The following LDB3 variants were observed in gnomAD, a reference collection of about 807,000 sequenced individuals.
The protein encoded by LDB3 is LIM domain binding 3, also known as LIM domain-binding protein 3.
In LDB3, 49 loss-of-function variants were observed where a neutral mutation model predicts 69.0. The ratio of observed to expected loss-of-function variants is 0.71; its 90% CI spans 0.56 to 0.90. The LOEUF (loss-of-function observed/expected upper bound fraction) is 0.90. LDB3 is among the 40% of genes least tolerant of loss of function. The probability of loss-of-function intolerance (pLI) is 0.00; values close to 1 mark genes in which losing one functional copy is unlikely to be tolerated. For missense variants in LDB3, 928 were observed against 974.1 expected (o/e 0.95, Z 0.63); for synonymous variants, 387 against 396.2 (o/e 0.98, Z 0.28).
At chr10:86,707,744 G>T (rs1174285479) in intron 8 of LDB3, among the ~76,000 whole-genome samples, 1 of 152,174 alleles carries the variant, frequency 6.6e-6, no homozygotes, top group South Asian at 2.1e-4. Context: ...TTGCAGGCCT[G>T]TCTGCTGCCC....
chr10:86,684,938 G>A (rs1845379335), intron 5 of LDB3, among the ~76,000 whole-genome samples: 1 of 152,216 alleles, frequency 6.6e-6, no homozygotes. Flanking sequence ...AGGTCAGAGT[G>A]AGAGGAAGGG....
intron 2 of LDB3, among the ~76,000 whole-genome samples, chr10:86,675,033 G>A (rs980668335): frequency 1.3e-5 from 2 of 152,210 alleles, no homozygotes; most frequent in African/African-American, 4.8e-5. Context: ...ACTCAGGGCA[G>A]CCAAAGGCCA....
In LDB3 at chr10:86,729,104, C is replaced by A. The variant is rs1589688130; in HGVS notation, c.2094+2852C>A. ...TAACCAGTGAGATCTCAGGATAGCA[C>A]ATTCTTTAGACTAACTCAGTTTACC... is the stretch of plus-strand genomic sequence containing the variant. On this transcript the variant is annotated intron_variant, in intron 13 of 13. Coordinates refer to ENST00000361373, the MANE Select transcript of LDB3 (RefSeq NM_007078.3). 2.6e-5 allele frequency among the ~76,000 whole-genome samples: 4 copies of A among 152,290 alleles called. No homozygotes were observed. The South Asian group carries it at 8.3e-4, about 32-fold the overall frequency.
upstream of LDB3, chr10:86,668,491 G>A (rs769128165): frequency 1.3e-4 from 89 of 660,568 alleles, 2 homozygotes; most frequent in South Asian, 4.2e-4. Flanking sequence ...TATCAGTGTC[G>A]ATGGCATTCG....
rs938329394 is a variant in LDB3 at position 86,687,134 on chromosome 10, C to T, written c.690-4762C>T. On this transcript the variant is annotated intron_variant, in intron 5 of 13. Coordinates refer to ENST00000361373, the MANE Select transcript of LDB3 (RefSeq NM_007078.3). ...GACTCGGCCCTGTCCACCCACAAGC[C>T]CATCGAGGTGAAGGGGCTGGGCGGC... 1.2e-6 allele frequency: 2 copies of T among 1,614,088 alleles called. No homozygotes were observed. The highest frequency in any genetic ancestry group is 2.7e-5 in the African/African-American group (2 of 74,934).
intron 12 of LDB3, among the ~76,000 whole-genome samples, chr10:86,725,793 A>G (rs1847232247): frequency 6.6e-6 from 1 of 152,208 alleles, no homozygotes; most frequent in South Asian, 2.1e-4. Context: ...AGATGTTTGG[A>G]AATGTGGATT....
chr10:86,723,268 TA>T (rs56259917), intron 12 of LDB3, among the ~76,000 whole-genome samples: 1,188 of 49,094 alleles, frequency 0.024, 11 homozygotes, highest in African/African-American at 0.05. Flanking sequence ...AGACTCAATC[TA>T]AAAAAAAAAA....
chr10:86,680,851 G>A (rs765704254), intron 4 of LDB3, among the ~76,000 whole-genome samples: 1 of 152,246 alleles, frequency 6.6e-6, no homozygotes, highest in African/African-American at 2.4e-5. Context: ...GATTGGGCAG[G>A]GCAGTGGGGA....
At position 86,679,510 on chromosome 10, in the gene LDB3, C is replaced by A; in HGVS notation, c.237C>A (p.Thr79=). The change falls in exon 3 of 14, where the codon ACC becomes ACA. Residue 79 remains threonine, a synonymous_variant. Transcript: ENST00000361373. ...IKSASYNLSL[T]LQKSKRPIPI... The stretch of plus-strand genomic sequence containing the variant: ...CTGCCAGCTACAACTTGAGCCTCAC[C>A]CTGCAGAAGTAGGTGGGAGCTCTCC... 6.2e-7 allele frequency: 1 copy of A among 1,613,926 alleles called. No individual in the cohort carries two copies. The highest frequency in any genetic ancestry group is 1.1e-5 in the South Asian group (1 of 91,078).
At chr10:86,679,058 A>G (rs1487464381) in intron 2 of LDB3, among the ~76,000 whole-genome samples, 2 of 152,198 alleles carry the variant, frequency 1.3e-5, no homozygotes, top group African/African-American at 4.8e-5. Flanking sequence ...GTCAACAAGC[A>G]GAGAGTGTGC....
chr10:86,671,879 G>A (rs903337952), intron 2 of LDB3, among the ~76,000 whole-genome samples: 2 of 152,166 alleles, frequency 1.3e-5, no homozygotes, highest in African/African-American at 4.8e-5. Flanking sequence ...TTGGGAGGCC[G>A]AGGGGGCAGA....
intron 8 of LDB3, among the ~76,000 whole-genome samples, chr10:86,709,309 T>G (rs1255773153): frequency 1.3e-5 from 2 of 152,136 alleles, no homozygotes; most frequent in East Asian, 3.9e-4. Context: ...AAGGTGACCC[T>G]AGGCCCCTTG....
At chr10:86,718,578 G>A in intron 11 of LDB3, 149 bp from the exon 12 acceptor site, 1 of 1,033,596 alleles carries the variant, frequency 9.7e-7, no homozygotes, top group Non-Finnish European at 1.5e-6. Flanking sequence ...GACACCCCTG[G>A]GTCTTTCTTC....
rs1310203563 is a variant in LDB3 at position 86,706,571 on chromosome 10, A to G, written c.937A>G (p.Thr313Ala). ...EHAPVCTSQA[T>A]TPLLPASAQP... Reference sequence around the variant, plus strand: ...TGCGCCGGTGTGCACCAGCCAGGCCACCACCCCGCTGCTGCCCGCTTCTGC... The same window carrying G: ...TGCGCCGGTGTGCACCAGCCAGGCCGCCACCCCGCTGCTGCCCGCTTCTGC... The change falls in exon 8 of 14, where the codon ACC becomes GCC. Residue 313 changes from threonine (T) to alanine (A), a missense_variant. Physicochemically the swap from Thr to Ala is moderately conservative, Grantham distance 58. Coordinates refer to ENST00000361373, the MANE Select transcript of LDB3 (RefSeq NM_007078.3). 12 of 1,613,034 alleles carry G rather than the reference A, an allele frequency of 7.4e-6. No individual in the cohort carries two copies. The highest frequency in any genetic ancestry group is 1.0e-5 in the Non-Finnish European group (12 of 1,179,974).
rs553665512 is a variant in LDB3 at position 86,726,348 on chromosome 10, G to A, written c.2094+96G>A. Reference sequence around the variant, plus strand: ...AACCTCTACATACCTTGCCACGCTAGCTTTCTGACATCCTGATCATTTTTA... The same window carrying A: ...AACCTCTACATACCTTGCCACGCTAACTTTCTGACATCCTGATCATTTTTA... On this transcript the variant is annotated intron_variant, in intron 13 of 13. Coordinates refer to ENST00000361373, the MANE Select transcript of LDB3 (RefSeq NM_007078.3). 9 of 856,074 alleles carry A rather than the reference G, an allele frequency of 1.1e-5. No individual in the cohort carries two copies. The East Asian group carries it at 1.5e-4, about 15-fold the overall frequency. The allele number at this position is 856,074 out of a possible 1,614,324, so 53.0% of individuals were successfully genotyped here. A position where few individuals can be genotyped will look rare whatever the true frequency, so the allele number is the denominator to read the frequency against.
At chr10:86,711,777 G>T (rs1846678074) in intron 9 of LDB3, among the ~76,000 whole-genome samples, 2 of 149,554 alleles carry the variant, frequency 1.3e-5, no homozygotes, top group East Asian at 3.9e-4. Flanking sequence ...GGCGGCGGCG[G>T]CGCGGAGACC....
chr10:86,679,661 G>T, intron 3 of LDB3, 143 bp downstream of exon 3: 1 of 967,780 alleles, frequency 1.0e-6, no homozygotes, highest in Non-Finnish European at 1.6e-6. Context: ...ACAGCCCTGG[G>T]CCAGAGGAAT....
Position 86,700,666 on chromosome 10 carries a change from T to C in LDB3, c.897-5865T>C, listed in dbSNP as rs561037483. On this transcript the variant is annotated intron_variant, in intron 7 of 13. Coordinates refer to ENST00000361373, the MANE Select transcript of LDB3 (RefSeq NM_007078.3). ...CCACCCACCTGTGGCCTTGTCCTAGTCCTGGGCATTTAGGAAGGGCTAGGA... is the reference window on the plus strand; with the variant it reads ...CCACCCACCTGTGGCCTTGTCCTAGCCCTGGGCATTTAGGAAGGGCTAGGA... Among the ~76,000 whole-genome samples the C allele has an allele frequency of 2.0e-5, 3 of 152,232 alleles. No homozygotes were observed. The East Asian group carries it at 5.8e-4, about 29-fold the overall frequency.
At chr10:86,691,875 C>T (rs368724584) in intron 5 of LDB3, 21 bp from the exon 6 acceptor site, 8 of 1,613,922 alleles carry the variant, frequency 5.0e-6, no homozygotes, top group East Asian at 2.2e-5. Flanking sequence ...CCCTCGCCCA[C>T]GGCCTCTCTC....
Sources: allele counts gnomAD v4.1 joint callset (sites outside exome capture counted in the v4.1 genomes callset), GRCh38; gene constraint gnomAD v4.1.1; transcripts MANE v1.5; gene names NCBI Gene and HGNC (gene_info 2026-07-23, HGNC 2026-07-21).